The following BCL2L12 variants were observed in gnomAD, a reference collection of about 807,000 sequenced individuals.
BCL2L12 encodes bcl-2-like protein 12.
Under a neutral mutation model 25.7 loss-of-function variants are expected in BCL2L12, and 27 were observed. The ratio of observed to expected loss-of-function variants is 1.05; its 90% CI spans 0.78 to 1.45. The LOEUF is 1.45. Among genes scored for constraint, BCL2L12 ranks in the 40% most tolerant of loss-of-function variants. The pLI is 0.00. For missense variants in BCL2L12, 302 were observed against 329.8 expected, an observed-to-expected ratio of 0.92 and a Z score of 0.65; for synonymous variants, 132 against 145.6, an observed-to-expected ratio of 0.91 and a Z score of 0.67.
intron 6 of BCL2L12, among the ~76,000 whole-genome samples, chr19:49,670,931 A>G (rs144037913): frequency 0.011 from 1,651 of 149,466 alleles, 24 homozygotes; most frequent in African/African-American, 0.039. Context: ...AGGCCGAGGC[A>G]GGTGGATCAC....
chr19:49,667,006 T>G lies in BCL2L12; in HGVS notation c.108-13T>G, dbSNP rs766404360. 4 of 1,612,774 alleles carry G rather than the reference T, an allele frequency of 2.5e-6. No homozygotes were observed. In the East Asian group the frequency reaches 8.9e-5, roughly 36 times the overall value. ...TCTCTGGTGGGGTCAGTCTCTGAAG[T>G]CCTCCTCTCCAGAAGCCCTGCCCAA... On this transcript the variant is annotated splice_polypyrimidine_tract_variant and intron_variant, in intron 2 of 6. Coordinates refer to ENST00000246784, the MANE Select transcript of BCL2L12 (RefSeq NM_138639.2).
chr19:49,672,415 G>A lies in BCL2L12; in HGVS notation c.703-1283G>A, dbSNP rs2081978900. Among the ~76,000 whole-genome samples, 1 of 152,240 alleles carries A rather than the reference G, an allele frequency of 6.6e-6. No homozygotes were observed. The highest frequency in any genetic ancestry group is 1.5e-5 in the Non-Finnish European group (1 of 68,042). On this transcript the variant is annotated intron_variant, in intron 6 of 6. Transcript: ENST00000246784. This position sits in a 1 kb window ranked among gnomAD's most constrained non-coding sequence, Gnocchi z 4.1. ...GCGCCGGGCCAGCCAGGACCCTGTG[G>A]TCACGGTGAGTGACAACTCGGACTT... is the stretch of plus-strand genomic sequence containing the variant.
chr19:49,665,636 A>G, upstream of BCL2L12: 1 of 704,050 alleles, frequency 1.4e-6, no homozygotes, highest in Non-Finnish European at 2.3e-6. Context: ...GTTACCTACG[A>G]TGGAAGGTCG....
At chr19:49,669,598 G>A (rs1401730556) in intron 5 of BCL2L12, among the ~76,000 whole-genome samples, 2 of 151,838 alleles carry the variant, frequency 1.3e-5, no homozygotes, top group East Asian at 1.9e-4. Flanking sequence ...GTACTGTACC[G>A]TAAATTAGTT....
chr19:49,670,500 A>G lies in BCL2L12; in HGVS notation c.702+12A>G. The G allele has an allele frequency of 6.5e-7, 1 of 1,536,774 alleles. No homozygotes were observed. Reference sequence around the variant, plus strand: ...CCCACGGGGGCTGGGTGAGCCGCTGAAGCCTCTCTCTCCGGGCCTCACTTT... The same window carrying G: ...CCCACGGGGGCTGGGTGAGCCGCTGGAGCCTCTCTCTCCGGGCCTCACTTT... On this transcript the variant is annotated intron_variant, in intron 6 of 6. Coordinates refer to ENST00000246784, the MANE Select transcript of BCL2L12 (RefSeq NM_138639.2).
Position 49,669,183 on chromosome 19 carries a change from A to G in BCL2L12, c.429+68A>G, listed in dbSNP as rs544199457. The G allele has an allele frequency of 3.2e-6, 5 of 1,579,248 alleles. No individual in the cohort carries two copies. In the African/African-American group the frequency reaches 4.0e-5, roughly 13 times the overall value. On this transcript the variant is annotated intron_variant, in intron 5 of 6. Coordinates refer to ENST00000246784, the MANE Select transcript of BCL2L12 (RefSeq NM_138639.2). The stretch of plus-strand genomic sequence containing the variant: ...CGGAATGGTGGGGCACTGGGATCAG[A>G]AGCTGGATCTGTATTTTCTTTGGAT...
At chr19:49,671,464 A>C (rs2081960620) in intron 6 of BCL2L12, among the ~76,000 whole-genome samples, 1 of 152,108 alleles carries the variant, frequency 6.6e-6, no homozygotes, top group Non-Finnish European at 1.5e-5. Flanking sequence ...AAATAAATAA[A>C]AATTTTTAAA....
intron 1 of BCL2L12, 24 bp downstream of exon 1, chr19:49,666,091 T>G (rs1599898626): frequency 5.9e-6 from 9 of 1,522,016 alleles, no homozygotes; most frequent in Admixed American, 2.0e-5. Context: ...TGACGAGGGG[T>G]GGGGTGAGGA....
In BCL2L12 at chr19:49,673,716, T is replaced by G; in HGVS notation, c.721T>G (p.Ser241Ala). Reference sequence around the variant, plus strand: ...CTTCCAGGAGGGCATCCTGGCTGTTTCACCCGTGGACTTGAACTTGCCATT... The same window carrying G: ...CTTCCAGGAGGGCATCCTGGCTGTTGCACCCGTGGACTTGAACTTGCCATT... ...HGGWEGILAV[S>A]PVDLNLPLD The change falls in exon 7 of 7, where the codon TCA becomes GCA. Residue 241 changes from serine to alanine, a missense_variant. Transcript: ENST00000246784. 2 of 1,614,182 alleles carry G rather than the reference T, an allele frequency of 1.2e-6. No homozygotes were observed. Among genetic ancestry groups the G allele is most frequent in the Middle Eastern group, 1.6e-4 (1 of 6,062 alleles).
chr19:49,670,567 G>A, intron 6 of BCL2L12, 79 bp downstream of exon 6: 4 of 1,494,684 alleles, frequency 2.7e-6, no homozygotes. Flanking sequence ...GGACTTCTTA[G>A]GTTCCTCTCA....
intron 5 of BCL2L12, among the ~76,000 whole-genome samples, chr19:49,669,536 TAAAAAA>T (rs57156182): frequency 2.3e-5 from 3 of 132,704 alleles, no homozygotes; most frequent in African/African-American, 5.6e-5. Flanking sequence ...ACTCTGTCTT[TAAAAAA>T]AAAAAAAAAA....
At chr19:49,669,348 C>T (rs1392484452) in intron 5 of BCL2L12, among the ~76,000 whole-genome samples, 1 of 151,972 alleles carries the variant, frequency 6.6e-6, no homozygotes, top group Non-Finnish European at 1.5e-5. Context: ...CCAGCCTGGC[C>T]AACATGGTGA....
chr19:49,672,859 C>T lies in BCL2L12; in HGVS notation c.703-839C>T, dbSNP rs1027821864. ...AAGTGTTGGGCTCAGCAAAGAAGCT[C>T]GTTTATTTTATTTTATTTTAATTTT... On this transcript the variant is annotated intron_variant, in intron 6 of 6. Coordinates refer to ENST00000246784, the MANE Select transcript of BCL2L12 (RefSeq NM_138639.2). The surrounding 1 kb of genome is among the most constrained non-coding windows in gnomAD (Gnocchi z 4.1). 7.2e-5 allele frequency among the ~76,000 whole-genome samples: 11 copies of T among 152,014 alleles called. No homozygotes were observed. The highest frequency in any genetic ancestry group is 2.2e-4 in the African/African-American group (9 of 41,364).
At chr19:49,666,430 A>G (rs1362045517) in intron 1 of BCL2L12, among the ~76,000 whole-genome samples, 2 of 151,798 alleles carry the variant, frequency 1.3e-5, no homozygotes, top group Non-Finnish European at 2.9e-5. Flanking sequence ...GAAGTCCAGG[A>G]CCCCAGCTCC....
At chr19:49,667,335 T>A (rs1477316285) in intron 3 of BCL2L12, among the ~76,000 whole-genome samples, 174 bp downstream of exon 3, 3 of 152,182 alleles carry the variant, frequency 2.0e-5, no homozygotes, top group African/African-American at 7.2e-5. Context: ...GTGGGTTGGC[T>A]TTCAGAGAGC....
chr19:49,670,367 C>T lies in BCL2L12; in HGVS notation c.581C>T (p.Ala194Val), dbSNP rs1400601338. 5 of 1,582,978 alleles carry T rather than the reference C, an allele frequency of 3.2e-6. No homozygotes were observed. In the East Asian group the frequency reaches 9.2e-5, roughly 29 times the overall value. Reference protein sequence around the residue: ...GPPPPSPEPLARLALAMELSR... With the variant: ...GPPPPSPEPLVRLALAMELSR... ...CCGCCTCCTTCCCCGGAGCCCCTGG[C>T]CCGCCTGGCCCTAGCCATGGAGCTG... Residue 194 changes from alanine (A) to valine (V), a missense_variant, in exon 6 of 7, where the codon GCC becomes GTC. Coordinates refer to ENST00000246784, the MANE Select transcript of BCL2L12 (RefSeq NM_138639.2).
chr19:49,667,571 T>C (rs767769033), intron 3 of BCL2L12, among the ~76,000 whole-genome samples: 1 of 152,170 alleles, frequency 6.6e-6, no homozygotes, highest in Non-Finnish European at 1.5e-5. Flanking sequence ...CTGGACTTGA[T>C]CAAGGTGACC....
chr19:49,670,630 G>C lies in BCL2L12; in HGVS notation c.702+142G>C, dbSNP rs939412512. The C allele has an allele frequency of 9.4e-6, 11 of 1,175,328 alleles. No individual in the cohort carries two copies. In the African/African-American group the frequency reaches 1.3e-4, roughly 14 times the overall value. The allele number at this position is 1,175,328 out of a possible 1,614,324, so 72.8% of individuals were successfully genotyped here. A position where few individuals can be genotyped will look rare whatever the true frequency, so the allele number is the denominator to read the frequency against. On this transcript the variant is annotated intron_variant, in intron 6 of 6. Coordinates refer to ENST00000246784, the MANE Select transcript of BCL2L12 (RefSeq NM_138639.2). ...GCGTTCGTTCTGTTGAGCCCTTGCT[G>C]TATGCCAGGACTGCAGCGATGAGTG...
At chr19:49,665,656 G>A (rs151315907), upstream of BCL2L12, 33 of 862,960 alleles carry the variant, frequency 3.8e-5, no homozygotes, top group East Asian at 3.3e-4. Flanking sequence ...GGGGCGTGCG[G>A]GCAGCTGGAA....
Sources: allele counts gnomAD v4.1 joint callset (sites outside exome capture counted in the v4.1 genomes callset), GRCh38; gene constraint gnomAD v4.1.1; non-coding constraint Gnocchi (gnomAD v3.1); transcripts MANE v1.5; gene names NCBI Gene and HGNC (gene_info 2026-07-23, HGNC 2026-07-21).